Variants in RASA3 observed in about 807,000 individuals in gnomAD.
The protein encoded by RASA3 is RAS p21 protein activator 3, also known as ras GTPase-activating protein 3.
Under a neutral mutation model 110.0 loss-of-function variants are expected in RASA3, and 73 were observed. That is an observed-to-expected ratio of 0.66 (90% CI 0.55 to 0.81). RASA3 has a LOEUF of 0.81. Among genes scored for constraint, RASA3 ranks in the 30% least tolerant of loss-of-function variants. The pLI, the probability that RASA3 is intolerant of heterozygous loss-of-function variation, is 0.00. For synonymous variants in RASA3, 500 were observed against 451.4 expected (o/e 1.11, Z -1.37); for missense variants, 976 against 1,113.2 (o/e 0.88, Z 1.75).
intron 21 of RASA3, among the ~76,000 whole-genome samples, chr13:113,995,337 GC>G (rs1248062442): frequency 6.6e-6 from 1 of 152,238 alleles, no homozygotes; most frequent in African/African-American, 2.4e-5. Context: ...CAGCAGCCAG[GC>G]CCCCTTCCTG....
chr13:113,984,073 C>G (rs2052992657), intron 22 of RASA3, among the ~76,000 whole-genome samples: 1 of 80,340 alleles, frequency 1.2e-5, no homozygotes, highest in Non-Finnish European at 3.1e-5. Context: ...ACTCACCCAT[C>G]CATCCCTCCA....
chr13:114,013,311 T>C (rs1418037977), intron 14 of RASA3, 63 bp from the exon 15 acceptor site: 6 of 1,278,754 alleles, frequency 4.7e-6, no homozygotes, highest in East Asian at 4.8e-5. Context: ...GGGGACACCA[T>C]GCCCCGGCCC....
chr13:114,043,505 G>A lies in RASA3; in HGVS notation c.278-2411C>T, dbSNP rs572799270. ...GGCCGGCCAGTTCCACAGCTACCCG[G>A]ACGTAGATACAGCACACAGGCACTC... is the stretch of plus-strand genomic sequence containing the variant. On this transcript the variant is annotated intron_variant, in intron 3 of 23. Coordinates refer to ENST00000334062, the MANE Select transcript of RASA3 (RefSeq NM_007368.4). 1.5e-3 allele frequency among the ~76,000 whole-genome samples: 231 copies of A among 152,264 alleles called. 2 individuals carry two copies. The highest frequency in any genetic ancestry group is 5.3e-3 in the African/African-American group (221 of 41,542).
At chr13:113,993,982 C>G (rs1330520111) in intron 21 of RASA3, among the ~76,000 whole-genome samples, 1 of 152,156 alleles carries the variant, frequency 6.6e-6, no homozygotes, top group South Asian at 2.1e-4. Context: ...TAGCAAAATG[C>G]TGCCTTGTGC....
chr13:114,007,648 A>C, intron 17 of RASA3, 42 bp from the exon 18 acceptor site: 1 of 1,506,694 alleles, frequency 6.6e-7, no homozygotes, highest in Non-Finnish European at 9.2e-7. Flanking sequence ...GAAGCCACAC[A>C]TCTGACGTGC....
At chr13:114,102,690 C>T (rs1006201772) in intron 1 of RASA3, among the ~76,000 whole-genome samples, 2 of 152,160 alleles carry the variant, frequency 1.3e-5, no homozygotes, top group Admixed American at 6.5e-5. Context: ...GTGTCACAGC[C>T]AAGGCTGCGG....
chr13:114,013,481 GTA>G (rs2053690742), intron 14 of RASA3, among the ~76,000 whole-genome samples: 1 of 114,598 alleles, frequency 8.7e-6, no homozygotes, highest in African/African-American at 3.4e-5. Context: ...GTCTCTCTCC[GTA>G]TCTCTGTCTC....
In RASA3 at chr13:114,018,916, G is replaced by A; in HGVS notation, c.789C>T (p.Tyr263=). 1 of 1,613,658 alleles carries A rather than the reference G, an allele frequency of 6.2e-7. No homozygotes were observed. The highest frequency in any genetic ancestry group is 8.5e-7 in the Non-Finnish European group (1 of 1,179,970). Residue 263 remains tyrosine, a synonymous_variant, in exon 10 of 24, where the codon TAC becomes TAT. Coordinates refer to ENST00000334062, the MANE Select transcript of RASA3 (RefSeq NM_007368.4). ...TACCATTGTCCCGGGGCTGGAGGAAGTACCTGGGTGGGAGGGACACATGGA... is the reference window on the plus strand; with the variant it reads ...TACCATTGTCCCGGGGCTGGAGGAAATACCTGGGTGGGAGGGACACATGGA... ...LRQSSSYEAW[Y]FLQPRDNGSK... is the part of the protein sequence containing the mutation.
At chr13:114,040,724 T>C (rs1212031323) in intron 4 of RASA3, among the ~76,000 whole-genome samples, 1 of 134,556 alleles carries the variant, frequency 7.4e-6, no homozygotes, top group East Asian at 2.2e-4. Flanking sequence ...CCGCGCTCAC[T>C]CCGAGCACAA....
In RASA3 at chr13:114,009,393, C is replaced by T. The variant is rs559605145; in HGVS notation, c.1662G>A (p.Val554=). The part of the protein sequence containing the change: ...FFNEQKYADA[V]KNFLDLISSS... The stretch of plus-strand genomic sequence containing the variant: ...AGGGTGAGTCGATACTTACGTTCTT[C>T]ACCGCATCAGCATATTTCTGCTCAT... Residue 554 remains valine (V), a synonymous_variant, in exon 17 of 24, where the codon GTG becomes GTA. Transcript: ENST00000334062. The T allele has an allele frequency of 1.7e-5, 28 of 1,611,470 alleles. No individual in the cohort carries two copies. The highest frequency in any genetic ancestry group is 4.0e-5 in the African/African-American group (3 of 74,922).
At chr13:113,996,806 A>T in intron 20 of RASA3, 67 bp from the exon 21 acceptor site, 1 of 1,410,154 alleles carries the variant, frequency 7.1e-7, no homozygotes, top group Non-Finnish European at 1.0e-6. Flanking sequence ...GCAAGAGTCC[A>T]CCAGGCACCT....
At chr13:114,013,380 T>TCTCTCTCCCTCTCTCTGTCTCC in intron 14 of RASA3, 132 bp from the exon 15 acceptor site, 1 of 612,258 alleles carries the variant, frequency 1.6e-6, no homozygotes, top group Non-Finnish European at 2.9e-6. Flanking sequence ...CCTGTGTCTG[T>TCTCTCTCCCTCTCTCTGTCTCC]CTCTCTCCCT....
intron 3 of RASA3, among the ~76,000 whole-genome samples, chr13:114,046,281 T>C (rs1332388688): frequency 2.0e-5 from 3 of 152,188 alleles, no homozygotes; most frequent in African/African-American, 4.8e-5. Context: ...GGTCTGTAGC[T>C]TCACTCAGGA....
At chr13:114,044,756 A>G (rs935233687) in intron 3 of RASA3, among the ~76,000 whole-genome samples, 1 of 151,672 alleles carries the variant, frequency 6.6e-6, no homozygotes, top group Admixed American at 6.6e-5. Context: ...GAAAAGGGAT[A>G]AATCTTCAGA....
intron 1 of RASA3, among the ~76,000 whole-genome samples, chr13:114,077,231 C>T (rs895839611): frequency 6.6e-6 from 1 of 152,146 alleles, no homozygotes; most frequent in Non-Finnish European, 1.5e-5. Flanking sequence ...AGACAGACGC[C>T]GTACGACATG....
chr13:114,108,042 C>G (rs534551068), intron 1 of RASA3, among the ~76,000 whole-genome samples: 1 of 152,120 alleles, frequency 6.6e-6, no homozygotes, highest in East Asian at 1.9e-4. Flanking sequence ...CTACGAAAAA[C>G]CTGAGCCCCA....
At chr13:114,041,541 G>A (rs903697361) in intron 3 of RASA3, among the ~76,000 whole-genome samples, 6 of 152,232 alleles carry the variant, frequency 3.9e-5, no homozygotes, top group East Asian at 1.9e-4. Flanking sequence ...GAGGTGCCTC[G>A]GAGCTGGCTG....
At chr13:114,021,544 C>CG (rs748097950) in intron 8 of RASA3, 36 bp from the exon 9 acceptor site, 5 of 1,572,108 alleles carry the variant, frequency 3.2e-6, no homozygotes, top group Non-Finnish European at 4.4e-6. Flanking sequence ...TAGCTGACGG[C>CG]GGGCAGCCCG....
chr13:114,106,575 C>T lies in RASA3; in HGVS notation c.55+25860G>A, dbSNP rs146698844. On this transcript the variant is annotated intron_variant, in intron 1 of 23. Coordinates refer to ENST00000334062, the MANE Select transcript of RASA3 (RefSeq NM_007368.4). ...ATTCGGAGCTTTGTAAATAAATGCC[C>T]ATTTTACTTAGCGTAGGTGTAGAAA... Among the ~76,000 whole-genome samples, 367 of 152,224 alleles carry T rather than the reference C, an allele frequency of 2.4e-3. 2 individuals are homozygous for T. Among genetic ancestry groups the T allele is most frequent in the Non-Finnish European group, 3.7e-3 (255 of 68,026 alleles).
Sources: allele counts gnomAD v4.1 joint callset (sites outside exome capture counted in the v4.1 genomes callset), GRCh38; gene constraint gnomAD v4.1.1; transcripts MANE v1.5; gene names NCBI Gene and HGNC (gene_info 2026-07-23, HGNC 2026-07-21).